The following GLRA3 variants were observed in gnomAD, a reference collection of about 807,000 sequenced individuals.
GLRA3 encodes glycine receptor alpha 3, also known as glycine receptor subunit alpha-3.
GLRA3 carries 44 observed loss-of-function variants against 60.4 expected under a neutral mutation model. The ratio of observed to expected loss-of-function variants is 0.73; its 90% CI spans 0.57 to 0.94. The LOEUF is 0.94. Ranked by LOEUF, GLRA3 falls within the 40% of genes least tolerant of loss-of-function variation. The pLI is 0.00. For synonymous variants in GLRA3, 223 were observed against 192.9 expected (o/e 1.16, Z -1.29); for missense variants, 508 against 564.6 (o/e 0.90, Z 1.02).
intron 2 of GLRA3, among the ~76,000 whole-genome samples, chr4:174,783,449 A>G (rs1738980246): frequency 7.5e-6 from 1 of 133,974 alleles, no homozygotes; most frequent in African/African-American, 2.8e-5. Flanking sequence ...CAACGGCAAC[A>G]AAAGCCAAAA....
chr4:174,770,448 A>G (rs531186602), intron 2 of GLRA3, among the ~76,000 whole-genome samples: 1 of 152,218 alleles, frequency 6.6e-6, no homozygotes, highest in South Asian at 2.1e-4. Flanking sequence ...TTAGAAATAG[A>G]AAAATACAGA....
rs1400325940 is a variant in GLRA3, at chr4:174,640,385, G to A, written c.*3401C>T. 6.6e-6 allele frequency: 1 copy of A among 152,002 alleles called. No individual in the cohort carries two copies. The allele number at this position is 152,002 out of a possible 1,614,324, so 9.4% of individuals were successfully genotyped here. On this transcript the variant is annotated 3_prime_UTR_variant, in exon 10 of 10. Coordinates refer to ENST00000274093, the MANE Select transcript of GLRA3 (RefSeq NM_006529.4). ...TTCTCTCATGTCCATTTCCTGGAAT[G>A]TGTACTTTATAGATGAAATAAAAAT...
At chr4:174,675,646 G>A (rs1050648170) in intron 7 of GLRA3, among the ~76,000 whole-genome samples, 12 of 152,144 alleles carry the variant, frequency 7.9e-5, no homozygotes, top group South Asian at 4.2e-4. Flanking sequence ...TAAGCATTGA[G>A]TATTATTAGT....
intron 7 of GLRA3, among the ~76,000 whole-genome samples, chr4:174,674,304 A>G (rs1440600967): frequency 1.3e-5 from 2 of 150,006 alleles, no homozygotes; most frequent in Admixed American, 1.3e-4. Context: ...AAGTGCTCCT[A>G]AAGTTACACA....
intron 5 of GLRA3, among the ~76,000 whole-genome samples, chr4:174,702,323 A>C (rs925436169): frequency 6.6e-6 from 1 of 152,198 alleles, no homozygotes; most frequent in African/African-American, 2.4e-5. Flanking sequence ...AGATATGTAC[A>C]TTATTTTTAG....
At chr4:174,768,984 T>C (rs960914654) in intron 2 of GLRA3, among the ~76,000 whole-genome samples, 1 of 152,114 alleles carries the variant, frequency 6.6e-6, no homozygotes, top group African/African-American at 2.4e-5. Context: ...CTAAGACTAA[T>C]TTCTTTGTTT....
chr4:174,746,230 A>G (rs1737240803), intron 3 of GLRA3, among the ~76,000 whole-genome samples: 1 of 152,200 alleles, frequency 6.6e-6, no homozygotes, highest in Non-Finnish European at 1.5e-5. Context: ...TAGCAAAGAT[A>G]TGGAATAAAC....
At chr4:174,794,001 A>C (rs1387540508) in intron 1 of GLRA3, among the ~76,000 whole-genome samples, 3 of 152,128 alleles carry the variant, frequency 2.0e-5, no homozygotes, top group African/African-American at 7.2e-5. Context: ...AGGCAGACCA[A>C]TGCTAAATTT....
At chr4:174,824,558 T>C (rs1740882752) in intron 1 of GLRA3, among the ~76,000 whole-genome samples, 2 of 152,048 alleles carry the variant, frequency 1.3e-5, no homozygotes, top group Non-Finnish European at 1.5e-5. Flanking sequence ...AGCTCAATAG[T>C]TGTTGTTAGT....
chr4:174,707,310 A>C (rs1294249395), intron 5 of GLRA3, among the ~76,000 whole-genome samples: 2 of 152,232 alleles, frequency 1.3e-5, no homozygotes, highest in East Asian at 3.8e-4. Context: ...TATGGACTAA[A>C]ACTAGTAAGA....
At chr4:174,755,018 C>T (rs963816771) in intron 3 of GLRA3, among the ~76,000 whole-genome samples, 22 of 151,912 alleles carry the variant, frequency 1.4e-4, no homozygotes, top group Non-Finnish European at 2.9e-5. Flanking sequence ...CTATATTATC[C>T]AACATTAACT....
chr4:174,787,197 T>A lies in GLRA3; in HGVS notation c.199+1619A>T, dbSNP rs192396633. 1.1e-3 allele frequency among the ~76,000 whole-genome samples: 165 copies of A among 152,262 alleles called. 1 individual carries two copies. The Middle Eastern group carries it at 0.027, about 25-fold the overall frequency. ...TAACTTATCTGCAGTTTTATTAAAA[T>A]AACTGCTGAGACTGTTTATATGCTT... On this transcript the variant is annotated intron_variant, in intron 2 of 9. Coordinates refer to ENST00000274093, the MANE Select transcript of GLRA3 (RefSeq NM_006529.4).
In GLRA3 at chr4:174,637,202, C is replaced by A. The variant is rs1732516174; in HGVS notation, c.*6584G>T. 6.6e-6 allele frequency: 1 copy of A among 152,062 alleles called. No individual in the cohort carries two copies. The highest frequency in any genetic ancestry group is 1.5e-5 in the Non-Finnish European group (1 of 67,988). 9.4% of individuals were successfully genotyped at this position (152,062 alleles called of 1,614,324 possible). On this transcript the variant is annotated 3_prime_UTR_variant, in exon 10 of 10. Transcript: ENST00000274093. ...AGAAAAATAATTTACACCATAAAAA[C>A]CATAAAATAGCAATACTTCTTTTGG...
chr4:174,732,718 A>G (rs769576650), intron 3 of GLRA3, among the ~76,000 whole-genome samples: 4 of 152,052 alleles, frequency 2.6e-5, no homozygotes, highest in Non-Finnish European at 5.9e-5. Flanking sequence ...CTGGAGATAT[A>G]ATGTATGGCA....
In GLRA3 at chr4:174,726,891, G is replaced by A. The variant is rs540640715; in HGVS notation, c.491+1584C>T. Among the ~76,000 whole-genome samples the A allele has an allele frequency of 4.0e-4, 61 of 152,256 alleles. No individual in the cohort carries two copies. The South Asian group carries it at 1.0e-2, about 25-fold the overall frequency. On this transcript the variant is annotated intron_variant, in intron 4 of 9. Coordinates refer to ENST00000274093, the MANE Select transcript of GLRA3 (RefSeq NM_006529.4). ...ACTTTTGGTAATTTTTTTAAAAGGT[G>A]CAAAATTATCTTGCATAGACCTGGA...
intron 7 of GLRA3, among the ~76,000 whole-genome samples, chr4:174,675,340 T>A (rs896658867): frequency 6.6e-6 from 1 of 152,184 alleles, no homozygotes; most frequent in Admixed American, 6.6e-5. Context: ...TTCTTTTTTT[T>A]AAGTTGTGCC....
At chr4:174,708,119 A>T (rs1735580783) in intron 5 of GLRA3, among the ~76,000 whole-genome samples, 1 of 152,174 alleles carries the variant, frequency 6.6e-6, no homozygotes, top group Admixed American at 6.5e-5. Flanking sequence ...TGTATTTCTC[A>T]CTAGGCAAAC....
At chr4:174,650,847 T>C (rs1733000314) in intron 9 of GLRA3, among the ~76,000 whole-genome samples, 1 of 152,208 alleles carries the variant, frequency 6.6e-6, no homozygotes, top group Non-Finnish European at 1.5e-5. Flanking sequence ...CCATCTAGTT[T>C]ACCAGTGGAA....
At chr4:174,678,887 CTAAG>C (rs1390609500) in intron 6 of GLRA3, among the ~76,000 whole-genome samples, 1 of 152,106 alleles carries the variant, frequency 6.6e-6, no homozygotes, top group Admixed American at 6.6e-5. Flanking sequence ...AAATAACTCA[CTAAG>C]TAATCCCATA....
Sources: allele counts gnomAD v4.1 joint callset (sites outside exome capture counted in the v4.1 genomes callset), GRCh38; gene constraint gnomAD v4.1.1; transcripts MANE v1.5; gene names NCBI Gene and HGNC (gene_info 2026-07-23, HGNC 2026-07-21).